Variants in BCKDHB observed in about 807,000 individuals in gnomAD.
BCKDHB encodes 2-oxoisovalerate dehydrogenase subunit beta, mitochondrial.
Under a neutral mutation model 48.5 loss-of-function variants are expected in BCKDHB, and 41 were observed. The observed-to-expected ratio is 0.85, with a 90% CI of 0.66 to 1.10. The LOEUF is 1.10. Among genes scored for constraint, BCKDHB ranks in the 50% least tolerant of loss-of-function variants. BCKDHB has a pLI of 0.00. For missense variants in BCKDHB, 496 were observed against 494.2 expected, an observed-to-expected ratio of 1.00 and a Z score of -0.03; for synonymous variants, 201 against 174.8, an observed-to-expected ratio of 1.15 and a Z score of -1.18.
At chr6:80,108,072 G>C (rs777093854) in intron 1 of BCKDHB, among the ~76,000 whole-genome samples, 1 of 152,090 alleles carries the variant, frequency 6.6e-6, no homozygotes, top group Non-Finnish European at 1.5e-5. Context: ...AACCTTAAAA[G>C]GTTAGTAAAG....
At chr6:80,224,891 A>G (rs1775616142) in intron 8 of BCKDHB, among the ~76,000 whole-genome samples, 1 of 152,222 alleles carries the variant, frequency 6.6e-6, no homozygotes, top group African/African-American at 2.4e-5. Flanking sequence ...TGACACCCTG[A>G]CAGATGGTTG....
chr6:80,239,113 C>G (rs1562164891), intron 8 of BCKDHB, among the ~76,000 whole-genome samples: 1 of 152,224 alleles, frequency 6.6e-6, no homozygotes, highest in East Asian at 1.9e-4. Context: ...TGGATATATA[C>G]CCAGTAATGA....
chr6:80,239,422 A>G (rs1344137653), intron 8 of BCKDHB, among the ~76,000 whole-genome samples: 2 of 152,074 alleles, frequency 1.3e-5, no homozygotes, highest in South Asian at 2.1e-4. Context: ...GTCTGTTCAT[A>G]TCCTTCGCCC....
intron 8 of BCKDHB, among the ~76,000 whole-genome samples, chr6:80,262,248 C>T (rs1299619164): frequency 2.0e-5 from 3 of 152,086 alleles, no homozygotes. Context: ...AGTGCTTTGT[C>T]CTTTTAAGTG....
chr6:80,292,104 A>G (rs1166180274), intron 9 of BCKDHB, among the ~76,000 whole-genome samples: 1 of 152,170 alleles, frequency 6.6e-6, no homozygotes, highest in African/African-American at 2.4e-5. Context: ...ACATTTTGTT[A>G]CTTACCACAG....
chr6:80,211,968 A>G (rs1412700917), intron 8 of BCKDHB, among the ~76,000 whole-genome samples: 1 of 152,136 alleles, frequency 6.6e-6, no homozygotes, highest in Non-Finnish European at 1.5e-5. Flanking sequence ...AAAAGGCAAA[A>G]AGCAGAACTA....
chr6:80,159,348 A>G (rs1231205838), intron 3 of BCKDHB, among the ~76,000 whole-genome samples: 1 of 151,968 alleles, frequency 6.6e-6, no homozygotes, highest in Admixed American at 6.6e-5. Flanking sequence ...GACTAGATTA[A>G]AAAAAAATCA....
At chr6:80,257,044 C>G (rs564785354) in intron 8 of BCKDHB, among the ~76,000 whole-genome samples, 1 of 152,226 alleles carries the variant, frequency 6.6e-6, no homozygotes, top group African/African-American at 2.4e-5. Flanking sequence ...TAAATTTGCT[C>G]ACTGGAGTTA....
chr6:80,435,018 T>TCTA, the BCKDHB span, among the ~76,000 whole-genome samples: 1 of 152,348 alleles, frequency 6.6e-6, no homozygotes, highest in Admixed American at 6.5e-5. Flanking sequence ...TTTCTTTAAT[T>TCTA]CTAATCTCGA....
intron 6 of BCKDHB, among the ~76,000 whole-genome samples, chr6:80,198,510 A>G (rs1330119293): frequency 6.6e-6 from 1 of 152,106 alleles, no homozygotes; most frequent in Non-Finnish European, 1.5e-5. Flanking sequence ...GATTATATAA[A>G]TGTCATTGGA....
At chr6:80,348,878 G>A (rs1473559080), downstream of BCKDHB, among the ~76,000 whole-genome samples, 1 of 152,088 alleles carries the variant, frequency 6.6e-6, no homozygotes, top group Non-Finnish European at 1.5e-5. Flanking sequence ...TAAAGATTTA[G>A]AAACCCTGGC....
At chr6:80,225,073 C>T (rs1775625732) in intron 8 of BCKDHB, among the ~76,000 whole-genome samples, 1 of 152,206 alleles carries the variant, frequency 6.6e-6, no homozygotes, top group South Asian at 2.1e-4. Context: ...TATTCGAAGA[C>T]AGCCTCCTCA....
chr6:80,211,470 G>A (rs1056917246), intron 8 of BCKDHB, among the ~76,000 whole-genome samples: 5 of 152,124 alleles, frequency 3.3e-5, no homozygotes, highest in African/African-American at 9.7e-5. Flanking sequence ...CCTAACAACT[G>A]TCTTGCGCTT....
chr6:80,402,482 A>G, the BCKDHB span, among the ~76,000 whole-genome samples: 1 of 151,866 alleles, frequency 6.6e-6, no homozygotes, highest in African/African-American at 2.4e-5. Flanking sequence ...TTTGGGTTGT[A>G]TGACTTCCAT....
intron 8 of BCKDHB, among the ~76,000 whole-genome samples, chr6:80,264,297 C>G (rs910764866): frequency 1.3e-5 from 2 of 152,052 alleles, no homozygotes; most frequent in African/African-American, 4.8e-5. Flanking sequence ...AACTGATGAC[C>G]TTTGGAATTT....
At chr6:80,117,274 C>T (rs762334903) in intron 1 of BCKDHB, among the ~76,000 whole-genome samples, 15 of 152,088 alleles carry the variant, frequency 9.9e-5, no homozygotes, top group Admixed American at 3.3e-4. Flanking sequence ...TTATACAAGA[C>T]GAATAGATTC....
At chr6:80,133,996 A>C (rs1343360552) in intron 3 of BCKDHB, among the ~76,000 whole-genome samples, 1 of 152,188 alleles carries the variant, frequency 6.6e-6, no homozygotes, top group African/African-American at 2.4e-5. Flanking sequence ...ATGGCATATA[A>C]AAAATCCATT....
At chr6:80,184,330 G>A (rs1773544398) in intron 6 of BCKDHB, among the ~76,000 whole-genome samples, 1 of 152,098 alleles carries the variant, frequency 6.6e-6, no homozygotes, top group Admixed American at 6.5e-5. Context: ...GTTTATGTGA[G>A]TCCTTAGGTG....
chr6:80,122,663 GC>G (rs1346793995), intron 1 of BCKDHB, among the ~76,000 whole-genome samples: 1 of 152,178 alleles, frequency 6.6e-6, no homozygotes, highest in East Asian at 1.9e-4. Flanking sequence ...AAGATCACAT[GC>G]TTCAAAGGGC....
Sources: allele counts gnomAD v4.1 joint callset (sites outside exome capture counted in the v4.1 genomes callset), GRCh38; gene constraint gnomAD v4.1.1; transcripts MANE v1.5; gene names NCBI Gene and HGNC (gene_info 2026-07-23, HGNC 2026-07-21).